SSBP3: variants seen among roughly 807,000 people sequenced by gnomAD.
SSBP3 encodes the protein single-stranded DNA-binding protein 3.
Under a neutral mutation model 69.6 loss-of-function variants are expected in SSBP3, and 5 were observed. The observed-to-expected ratio is 0.07, with a 90% CI of 0.04 to 0.15. The LOEUF (loss-of-function observed/expected upper bound fraction) is 0.15. Ranked by LOEUF, SSBP3 falls within the 10% of genes least tolerant of loss-of-function variation. The probability of loss-of-function intolerance (pLI) is 1.00; values close to 1 mark genes in which losing one functional copy is unlikely to be tolerated. For missense variants in SSBP3, 312 were observed against 534.0 expected (o/e 0.58, Z 4.10); for synonymous variants, 196 against 193.4 (o/e 1.01, Z -0.11).
rs116314325 is a variant in SSBP3, at chr1:54,369,208, C to A, written c.276+32653G>T. ...ATCTGCATTGCACATGGGAAAAAGTCCTCTTGAGTCGGGGGGGGGGCCCAA... is the reference window on the plus strand; with the variant it reads ...ATCTGCATTGCACATGGGAAAAAGTACTCTTGAGTCGGGGGGGGGGCCCAA... On this transcript the variant is annotated intron_variant, in intron 4 of 17. Coordinates refer to ENST00000610401, the Ensembl canonical transcript of SSBP3. Among the ~76,000 whole-genome samples, 484 of 132,472 alleles carry A rather than the reference C, an allele frequency of 3.7e-3. 2 individuals are homozygous for A. Among genetic ancestry groups the A allele is most frequent in the South Asian group, 0.015 (61 of 4,024 alleles). The allele number at this position is 132,472 out of a possible 152,430, so 86.9% of individuals were successfully genotyped here.
At chr1:54,368,964 G>C (rs567224042) in intron 4 of SSBP3, among the ~76,000 whole-genome samples, 2 of 152,166 alleles carry the variant, frequency 1.3e-5, no homozygotes, top group East Asian at 3.8e-4. Context: ...GGGCATGAGG[G>C]GAGGTGTAAA....
intron 4 of SSBP3, among the ~76,000 whole-genome samples, chr1:54,362,123 G>A (rs1346793865): frequency 6.6e-6 from 1 of 152,210 alleles, no homozygotes; most frequent in Non-Finnish European, 1.5e-5. Context: ...TCATGGTAAG[G>A]ACAAGCGTAG....
chr1:54,412,386 A>C (rs1650016730), intron 1 of SSBP3, among the ~76,000 whole-genome samples: 1 of 152,248 alleles, frequency 6.6e-6, no homozygotes, highest in South Asian at 2.1e-4. Context: ...GTTCTGATAC[A>C]GTCTATAGCA....
intron 4 of SSBP3, among the ~76,000 whole-genome samples, chr1:54,307,642 C>A (rs977427040): frequency 4.6e-5 from 7 of 152,104 alleles, no homozygotes; most frequent in African/African-American, 1.7e-4. Context: ...GAGGTCAGCA[C>A]AAAATACAGG....
intron 4 of SSBP3, among the ~76,000 whole-genome samples, chr1:54,362,264 G>A (rs572167877): frequency 6.6e-6 from 1 of 152,300 alleles, no homozygotes; most frequent in Non-Finnish European, 1.5e-5. Flanking sequence ...TGCCAGCAGT[G>A]GACCATCCTG....
chr1:54,250,816 T>C (rs1334310656), intron 9 of SSBP3, among the ~76,000 whole-genome samples: 1 of 152,146 alleles, frequency 6.6e-6, no homozygotes, highest in African/African-American at 2.4e-5. Flanking sequence ...CCCAGAGGGC[T>C]GGGGGTAAGC....
upstream of SSBP3, among the ~76,000 whole-genome samples, chr1:54,408,439 C>T (rs1324961143): frequency 6.6e-6 from 1 of 152,216 alleles, no homozygotes; most frequent in Admixed American, 6.5e-5. Flanking sequence ...CCAGGGATGG[C>T]TTGTCAACAG....
intron 5 of SSBP3, among the ~76,000 whole-genome samples, chr1:54,269,910 T>C (rs897559627): frequency 1.3e-5 from 2 of 152,226 alleles, no homozygotes; most frequent in African/African-American, 4.8e-5. Context: ...TGCTCACCTT[T>C]GGTTAGCCTA....
intron 9 of SSBP3, among the ~76,000 whole-genome samples, chr1:54,250,227 A>G (rs1421381601): frequency 6.6e-6 from 1 of 152,258 alleles, no homozygotes; most frequent in Admixed American, 6.5e-5. Flanking sequence ...GAAGGAACAC[A>G]ACCAGAATAT....
rs12026946 is a variant in SSBP3, at chr1:54,306,087, C to A, written c.277-24560G>T. ...CATCCTATCCCCAACTCCTTGCACA[C>A]TTCTAGCCAGACTGGCAGCTCCTGG... On this transcript the variant is annotated intron_variant, in intron 4 of 17. Coordinates refer to ENST00000610401, the Ensembl canonical transcript of SSBP3. Among the ~76,000 whole-genome samples, 1,904 of 152,028 alleles carry A rather than the reference C, an allele frequency of 0.013. 81 individuals are homozygous for A. In the East Asian group the frequency reaches 0.15, roughly 12 times the overall value.
chr1:54,316,414 T>C (rs1416331085), intron 4 of SSBP3, among the ~76,000 whole-genome samples: 1 of 128,026 alleles, frequency 7.8e-6, no homozygotes, highest in African/African-American at 3.1e-5. Context: ...CCGAGGCGGG[T>C]GGATCATGAG....
At chr1:54,289,059 A>C (rs1335653381) in intron 4 of SSBP3, among the ~76,000 whole-genome samples, 2 of 127,580 alleles carry the variant, frequency 1.6e-5, no homozygotes, top group Non-Finnish European at 3.4e-5. Flanking sequence ...AAAAAAAAAC[A>C]GTAATGTCCC....
chr1:54,287,286 C>G (rs1005269799), intron 4 of SSBP3: 10 of 152,232 alleles, frequency 6.6e-5, no homozygotes, highest in Non-Finnish European at 1.3e-4. Flanking sequence ...TGCAAATCCC[C>G]TCCCCTCCTT....
At chr1:54,306,234 T>C (rs1225717099) in intron 4 of SSBP3, among the ~76,000 whole-genome samples, 1 of 152,156 alleles carries the variant, frequency 6.6e-6, no homozygotes, top group Non-Finnish European at 1.5e-5. Flanking sequence ...AGTGAGTGGA[T>C]ATTACACACT....
chr1:54,317,316 C>T (rs1465362657), intron 4 of SSBP3, among the ~76,000 whole-genome samples: 7 of 152,172 alleles, frequency 4.6e-5, no homozygotes, highest in South Asian at 4.1e-4. Context: ...GCGGGCAGAT[C>T]GCTTGAGCAC....
rs572080881 is a variant in SSBP3 at position 54,241,361 on chromosome 1, C to T, written c.801+113G>A. 3.3e-6 allele frequency: 4 copies of T among 1,203,078 alleles called. No homozygotes were observed. In the South Asian group the frequency reaches 4.9e-5, roughly 15 times the overall value. 74.5% of individuals were successfully genotyped at this position (1,203,078 alleles called of 1,614,324 possible). Reference sequence around the variant, plus strand: ...GACAGCAAGTTCTAGCAGTTTGGAACCTCTGCTCAGAAGAATGTGTGAAAG... The same window carrying T: ...GACAGCAAGTTCTAGCAGTTTGGAATCTCTGCTCAGAAGAATGTGTGAAAG... On this transcript the variant is annotated intron_variant, in intron 12 of 17. Coordinates refer to ENST00000610401, the Ensembl canonical transcript of SSBP3.
Position 54,364,305 on chromosome 1 carries a change from C to T in SSBP3, c.276+37556G>A, listed in dbSNP as rs1569943462. 2.0e-5 allele frequency among the ~76,000 whole-genome samples: 3 copies of T among 152,334 alleles called. 1 individual carries two copies. Among genetic ancestry groups the T allele is most frequent in the Middle Eastern group, 3.4e-3 (1 of 294 alleles). On this transcript the variant is annotated intron_variant, in intron 4 of 17. Coordinates refer to ENST00000610401, the Ensembl canonical transcript of SSBP3. ...TATAGAAAAAGTTGGCCAAACCCTA[C>T]TCTAGTGTCAAGTACATTCCATCAC...
intron 14 of SSBP3, chr1:54,237,958 G>A (rs74071604): frequency 0.061 from 22,068 of 364,218 alleles, 814 homozygotes; most frequent in Admixed American, 0.13. Flanking sequence ...ATTTCCATCC[G>A]ATGCTACAAA....
At chr1:54,338,407 C>T (rs893694270) in intron 4 of SSBP3, among the ~76,000 whole-genome samples, 1 of 152,178 alleles carries the variant, frequency 6.6e-6, no homozygotes, top group Non-Finnish European at 1.5e-5. Context: ...ACTGAAAAAC[C>T]ATCTGTTGAA....
Sources: gnomAD v4.1 joint callset for allele counts (sites outside exome capture counted in the v4.1 genomes callset) on GRCh38, gnomAD v4.1.1 for gene constraint, MANE v1.5 for transcripts, NCBI Gene and HGNC (gene_info 2026-07-23, HGNC 2026-07-21) for gene names.